Variants in AP2A1 observed in about 807,000 individuals in gnomAD.
AP2A1 encodes AP-2 complex subunit alpha-1.
Under a neutral mutation model 107.3 loss-of-function variants are expected in AP2A1, and 21 were observed. The observed-to-expected ratio is 0.20, with a 90% confidence interval of 0.14 to 0.28. AP2A1 has a LOEUF of 0.28. Among genes scored for constraint, AP2A1 ranks in the 10% least tolerant of loss-of-function variants. The pLI, the probability that AP2A1 is intolerant of heterozygous loss-of-function variation, is 1.00. For synonymous variants in AP2A1, 602 were observed against 564.8 expected (o/e 1.07, Z -0.93); for missense variants, 873 against 1,307.7 (o/e 0.67, Z 5.13).
intron 1 of AP2A1, among the ~76,000 whole-genome samples, chr19:49,780,287 A>G (rs1224626321): frequency 2.0e-5 from 3 of 152,232 alleles, no homozygotes; most frequent in African/African-American, 7.2e-5. Context: ...TAACTCTTTA[A>G]GCAGAATAAT....
At position 49,767,049 on chromosome 19, in the gene AP2A1, G is replaced by T; in HGVS notation, c.-85G>T. 1.4e-6 allele frequency: 2 copies of T among 1,437,026 alleles called. No individual in the cohort carries two copies. The highest frequency in any genetic ancestry group is 1.3e-5 in the South Asian group (1 of 78,090). 89.0% of individuals were successfully genotyped at this position (1,437,026 alleles called of 1,614,324 possible). ...GGCTCGGCTCCTTGGCGCTGCCTGG[G>T]GTCCTTTCCGCCCGGTCCCCGCTTG... On this transcript the variant is annotated 5_prime_UTR_variant, in exon 1 of 23. Transcript: ENST00000354293.
chr19:49,779,258 A>T (rs1386692951), intron 1 of AP2A1, among the ~76,000 whole-genome samples: 1 of 150,098 alleles, frequency 6.7e-6, no homozygotes, highest in East Asian at 1.9e-4. Flanking sequence ...AATTGCTTGA[A>T]CCTGGGAGGC....
intron 1 of AP2A1, among the ~76,000 whole-genome samples, chr19:49,771,146 C>T (rs981578451): frequency 6.6e-6 from 1 of 151,478 alleles, no homozygotes; most frequent in Non-Finnish European, 1.5e-5. Context: ...CTACCATGCC[C>T]GGCAGCATTC....
intron 1 of AP2A1, among the ~76,000 whole-genome samples, chr19:49,778,713 G>T (rs182934905): frequency 4.0e-4 from 61 of 152,276 alleles, no homozygotes; most frequent in Admixed American, 5.9e-4. Flanking sequence ...TGGAACCACT[G>T]CAGTGTGTGC....
chr19:49,783,630 A>G (rs984221719), intron 4 of AP2A1, among the ~76,000 whole-genome samples: 2 of 152,226 alleles, frequency 1.3e-5, no homozygotes, highest in Non-Finnish European at 2.9e-5. Flanking sequence ...ACAGGCCACA[A>G]GCTAAGAGAA....
At chr19:49,805,216 A>C in intron 18 of AP2A1, 1 of 478,412 alleles carries the variant, frequency 2.1e-6, no homozygotes, top group African/African-American at 1.9e-5. Flanking sequence ...AGCTAATACT[A>C]TTATGTCTCA....
chr19:49,801,948 G>C, intron 14 of AP2A1, 33 bp from the exon 15 acceptor site: 1 of 1,464,080 alleles, frequency 6.8e-7, no homozygotes, highest in Non-Finnish European at 9.0e-7. Flanking sequence ...GCCGGGCGCC[G>C]CCTGTCCTCA....
chr19:49,779,363 T>C lies in AP2A1; in HGVS notation c.68-2394T>C, dbSNP rs112702592. On this transcript the variant is annotated intron_variant, in intron 1 of 22. Transcript: ENST00000354293. ...AAAAAAAAAAAAAAAAAAAATTAGT[T>C]GAATGTGGTGTTATGCACCTGTAGT... is the stretch of plus-strand genomic sequence containing the variant. Among the ~76,000 whole-genome samples, 852 of 144,580 alleles carry C rather than the reference T, an allele frequency of 5.9e-3. 8 individuals carry two copies. Among genetic ancestry groups the C allele is most frequent in the African/African-American group, 0.021 (811 of 39,040 alleles). 94.9% of individuals were successfully genotyped at this position (144,580 alleles called of 152,430 possible). A position where few individuals can be genotyped will look rare whatever the true frequency, so the allele number is the denominator to read the frequency against.
chr19:49,785,916 C>CAA lies in AP2A1; in HGVS notation c.473+3203_473+3204dup, dbSNP rs1355830678. On this transcript the variant is annotated intron_variant, in intron 4 of 22. Transcript: ENST00000354293. This position sits in a 1 kb window ranked among gnomAD's most constrained non-coding sequence, Gnocchi z 4.1. ...TGGGTGACAGAGCGAGACTCCATCT[C>CAA]AAAAAAAAAAAACATTAGTGGGGTG... is the stretch of plus-strand genomic sequence containing the variant. Among the ~76,000 whole-genome samples the CAA allele has an allele frequency of 5.1e-5, 7 of 138,066 alleles. No individual in the cohort carries two copies. Among genetic ancestry groups the CAA allele is most frequent in the Non-Finnish European group, 9.5e-5 (6 of 63,292 alleles). 90.6% of individuals were successfully genotyped at this position (138,066 alleles called of 152,430 possible).
intron 5 of AP2A1, 118 bp from the exon 6 acceptor site, chr19:49,792,873 C>A: frequency 1.1e-6 from 1 of 887,434 alleles, no homozygotes; most frequent in Non-Finnish European, 1.8e-6. Context: ...CATGTGCACA[C>A]CCCTAAACCC....
chr19:49,792,996 G>T lies in AP2A1; in HGVS notation c.609G>T (p.Val203=). ...VHLLNDQHMG[V]VTAAVSLITC... is the part of the protein sequence containing the mutation. Reference sequence around the variant, plus strand: ...TCTCTCCTCTGCCCCTGCAGGGTGTGGTCACGGCCGCCGTCAGCCTCATCA... The same window carrying T: ...TCTCTCCTCTGCCCCTGCAGGGTGTTGTCACGGCCGCCGTCAGCCTCATCA... Residue 203 remains valine, a synonymous_variant, in exon 6 of 23, where the codon GTG becomes GTT. Coordinates refer to ENST00000354293, the MANE Select transcript of AP2A1 (RefSeq NM_130787.3). 1 of 1,599,990 alleles carries T rather than the reference G, an allele frequency of 6.3e-7. No individual in the cohort carries two copies. The highest frequency in any genetic ancestry group is 8.5e-7 in the Non-Finnish European group (1 of 1,173,596).
At chr19:49,796,006 G>A (rs558125468) in intron 7 of AP2A1, 90 of 460,442 alleles carry the variant, frequency 2.0e-4, no homozygotes, top group African/African-American at 1.5e-3. Context: ...TGTTGCGAGG[G>A]ACTGTTAACT....
chr19:49,781,151 C>T (rs974097126), intron 1 of AP2A1, among the ~76,000 whole-genome samples: 7 of 152,206 alleles, frequency 4.6e-5, no homozygotes, highest in Non-Finnish European at 7.4e-5. Context: ...CAGGTCCTGT[C>T]AGAGGTGTAG....
Position 49,798,853 on chromosome 19 carries a change from A to G in AP2A1, c.866A>G (p.Asn289Ser), listed in dbSNP as rs1367944694. 2.5e-6 allele frequency: 4 copies of G among 1,601,314 alleles called. No homozygotes were observed. The highest frequency in any genetic ancestry group is 1.1e-5 in the South Asian group (1 of 88,620). ...RLVECLETVL[N>S]KAQEPPKSKK... Reference sequence around the variant, plus strand: ...GTGGAATGTCTGGAGACTGTGCTCAACAAGGCCCAGGAGCCCCCCAAATCC... The same window carrying G: ...GTGGAATGTCTGGAGACTGTGCTCAGCAAGGCCCAGGAGCCCCCCAAATCC... The change falls in exon 8 of 23, where the codon AAC becomes AGC. Residue 289 changes from asparagine to serine, a missense_variant. By Grantham distance (46) the Asn-to-Ser change is conservative (BLOSUM62 1). Transcript: ENST00000354293.
At chr19:49,793,219 C>A in intron 6 of AP2A1, 127 bp downstream of exon 6, 1 of 921,394 alleles carries the variant, frequency 1.1e-6, no homozygotes, top group Non-Finnish European at 1.6e-6. Context: ...AGGCTCTGAG[C>A]TGGATTCATC....
intron 1 of AP2A1, among the ~76,000 whole-genome samples, chr19:49,780,958 C>T (rs559037557): frequency 6.6e-6 from 1 of 152,156 alleles, no homozygotes; most frequent in East Asian, 1.9e-4. Flanking sequence ...AACGGTAGAA[C>T]CTGTCAAGGG....
At chr19:49,805,983 G>T (rs1453411879) in intron 21 of AP2A1, 42 bp downstream of exon 21, 2 of 1,613,180 alleles carry the variant, frequency 1.2e-6, no homozygotes, top group African/African-American at 2.7e-5. Context: ...TGGCTGCTTT[G>T]CTTCTCTGAG....
chr19:49,773,778 C>G (rs1423241466), intron 1 of AP2A1, among the ~76,000 whole-genome samples: 1 of 151,914 alleles, frequency 6.6e-6, no homozygotes, highest in African/African-American at 2.4e-5. Flanking sequence ...GGCATTGGAG[C>G]AGAGAATCTA....
At chr19:49,804,131 G>T (rs962925140) in intron 18 of AP2A1, 1 of 152,358 alleles carries the variant, frequency 6.6e-6, no homozygotes, top group African/African-American at 2.4e-5. Context: ...AGCTACTCAG[G>T]AGGCTGAGAC....
Sources: allele counts gnomAD v4.1 joint callset (sites outside exome capture counted in the v4.1 genomes callset), GRCh38; gene constraint gnomAD v4.1.1; non-coding constraint Gnocchi (gnomAD v3.1); transcripts MANE v1.5; gene names NCBI Gene and HGNC (gene_info 2026-07-23, HGNC 2026-07-21).